SPECC1L: variants seen among roughly 807,000 people sequenced by gnomAD.
SPECC1L encodes sperm antigen with calponin homology and coiled-coil domains 1 like, also known as cytospin-A.
A neutral mutation model predicts 116.8 loss-of-function variants in SPECC1L; 40 were observed. That is an observed-to-expected ratio of 0.34 (90% CI 0.27 to 0.45). The LOEUF (loss-of-function observed/expected upper bound fraction) is 0.45. Among genes scored for constraint, SPECC1L ranks in the 20% least tolerant of loss-of-function variants. The pLI, the probability that SPECC1L is intolerant of heterozygous loss-of-function variation, is 1.00. For synonymous variants in SPECC1L, 504 were observed against 500.6 expected, an observed-to-expected ratio of 1.01 and a Z score of -0.09; for missense variants, 1,110 against 1,373.6, an observed-to-expected ratio of 0.81 and a Z score of 3.03.
intron 4 of SPECC1L, among the ~76,000 whole-genome samples, chr22:24,314,444 A>G (rs2040521435): frequency 6.6e-6 from 1 of 152,246 alleles, no homozygotes; most frequent in South Asian, 2.1e-4. Flanking sequence ...TTCAATGAGT[A>G]TTTAAATTTC....
intron 3 of SPECC1L, 47 bp downstream of exon 3, chr22:24,302,431 A>G: frequency 6.2e-7 from 1 of 1,605,798 alleles, no homozygotes; most frequent in African/African-American, 1.3e-5. Flanking sequence ...GGAGGACTGA[A>G]TTTAAATATG....
chr22:24,285,127 C>T (rs889560671), intron 2 of SPECC1L, among the ~76,000 whole-genome samples: 2 of 152,204 alleles, frequency 1.3e-5, no homozygotes, highest in African/African-American at 4.8e-5. Context: ...CTAGAAGAAC[C>T]TCTGAAGTTT....
At position 24,322,291 on chromosome 22, in the gene SPECC1L, G is replaced by A; in HGVS notation, c.1311G>A (p.Arg437=). The part of the protein sequence containing the change: ...ITQELNSENE[R]LGEEKVILME... ...AGGAACTGAATAGTGAAAACGAAAGGCTTGGAGAAGAGAAGGTTATTCTGA... is the reference window on the plus strand; with the variant it reads ...AGGAACTGAATAGTGAAAACGAAAGACTTGGAGAAGAGAAGGTTATTCTGA... The change falls in exon 5 of 17, where the codon AGG becomes AGA. Residue 437 remains arginine, a synonymous_variant. Transcript: ENST00000314328. The A allele has an allele frequency of 6.2e-7, 1 of 1,614,244 alleles. No homozygotes were observed. The highest frequency in any genetic ancestry group is 1.3e-5 in the African/African-American group (1 of 75,068).
At chr22:24,407,182 T>C (rs2042608421) in intron 14 of SPECC1L, among the ~76,000 whole-genome samples, 1 of 152,216 alleles carries the variant, frequency 6.6e-6, no homozygotes. Flanking sequence ...CAGCTAGCCT[T>C]CTTTTGGGCT....
At chr22:24,306,357 C>G (rs12160776) in intron 3 of SPECC1L, among the ~76,000 whole-genome samples, 187 of 148,972 alleles carry the variant, frequency 1.3e-3, no homozygotes, top group African/African-American at 4.2e-3. Context: ...ATCACTTTGG[C>G]CTTTTAATTT....
intron 2 of SPECC1L, among the ~76,000 whole-genome samples, chr22:24,284,938 T>G (rs1418627475): frequency 6.6e-6 from 1 of 152,118 alleles, no homozygotes; most frequent in Non-Finnish European, 1.5e-5. Context: ...GAGAGACACA[T>G]AGTCACCAGG....
chr22:24,406,804 C>T (rs2042600641), intron 14 of SPECC1L, among the ~76,000 whole-genome samples: 1 of 152,228 alleles, frequency 6.6e-6, no homozygotes, highest in Non-Finnish European at 1.5e-5. Flanking sequence ...GCCTGGTGTT[C>T]TTGCACCGTG....
At chr22:24,308,087 C>T (rs2049538228) in intron 3 of SPECC1L, among the ~76,000 whole-genome samples, 1 of 151,956 alleles carries the variant, frequency 6.6e-6, no homozygotes, top group South Asian at 2.1e-4. Context: ...GGGGCTGTTT[C>T]AGCATGAACT....
chr22:24,317,663 A>AC (rs1324248914), intron 4 of SPECC1L, among the ~76,000 whole-genome samples: 8 of 146,622 alleles, frequency 5.5e-5, no homozygotes, highest in East Asian at 4.1e-4. Flanking sequence ...CGGGGGGCTG[A>AC]CCCCCCCATC....
chr22:24,300,532 C>T (rs1353620837), intron 2 of SPECC1L, among the ~76,000 whole-genome samples: 1 of 152,134 alleles, frequency 6.6e-6, no homozygotes, highest in East Asian at 1.9e-4. Flanking sequence ...GGTTCTGGAT[C>T]CTTGAGGAAT....
At chr22:24,404,817 T>C (rs189059752) in intron 14 of SPECC1L, among the ~76,000 whole-genome samples, 1 of 152,282 alleles carries the variant, frequency 6.6e-6, no homozygotes, top group Non-Finnish European at 1.5e-5. Context: ...TCGCTGAGTG[T>C]GCAAATGAAT....
intron 4 of SPECC1L, among the ~76,000 whole-genome samples, chr22:24,318,886 C>T (rs1203828241): frequency 6.7e-6 from 1 of 149,670 alleles, no homozygotes; most frequent in East Asian, 2.0e-4. Flanking sequence ...TGTGATGGCA[C>T]AACTGCACTC....
intron 13 of SPECC1L, among the ~76,000 whole-genome samples, chr22:24,366,435 C>T (rs1601289992): frequency 6.6e-6 from 1 of 152,098 alleles, no homozygotes; most frequent in Admixed American, 6.5e-5. Flanking sequence ...CCTCGTGATC[C>T]ACCCGCCTCG....
chr22:24,375,547 AT>A (rs765002266), intron 14 of SPECC1L, among the ~76,000 whole-genome samples: 4 of 152,240 alleles, frequency 2.6e-5, no homozygotes, highest in Non-Finnish European at 5.9e-5. Context: ...AAAAAACCGC[AT>A]GATCATCTCA....
At chr22:24,319,336 A>G (rs1295633452) in intron 4 of SPECC1L, among the ~76,000 whole-genome samples, 1 of 152,236 alleles carries the variant, frequency 6.6e-6, no homozygotes, top group East Asian at 1.9e-4. Context: ...AGAGCCAAGC[A>G]AAGGGGAAGC....
rs62233093 is a variant in SPECC1L, at chr22:24,303,075, C to T, written c.153+691C>T. ...CTGGGTTCAGTGGATCCTCCTGCCT[C>T]AGCCTCTCGAGTAGCTGGACTAGAG... On this transcript the variant is annotated intron_variant, in intron 3 of 16. Coordinates refer to ENST00000314328, the MANE Select transcript of SPECC1L (RefSeq NM_015330.6). Among the ~76,000 whole-genome samples, 1,127 of 152,258 alleles carry T rather than the reference C, an allele frequency of 7.4e-3. 6 individuals are homozygous for T. The highest frequency in any genetic ancestry group is 0.012 in the South Asian group (59 of 4,814).
At chr22:24,394,527 T>C (rs887078292) in intron 14 of SPECC1L, among the ~76,000 whole-genome samples, 3 of 152,226 alleles carry the variant, frequency 2.0e-5, no homozygotes, top group Non-Finnish European at 4.4e-5. Flanking sequence ...ATTCAGTCCA[T>C]TGCATATGCA....
At chr22:24,282,732 C>A (rs143056929) in intron 2 of SPECC1L, among the ~76,000 whole-genome samples, 1 of 149,134 alleles carries the variant, frequency 6.7e-6, no homozygotes, top group Non-Finnish European at 1.5e-5. Flanking sequence ...GATCATACAG[C>A]TTTTCTGTTT....
chr22:24,336,204 G>T (rs1421195852), intron 9 of SPECC1L, among the ~76,000 whole-genome samples: 2 of 151,916 alleles, frequency 1.3e-5, no homozygotes, highest in African/African-American at 4.8e-5. Context: ...CACCTGAGCA[G>T]TCGCTCTGTG....
Sources: gnomAD v4.1 joint callset for allele counts (sites outside exome capture counted in the v4.1 genomes callset) on GRCh38, gnomAD v4.1.1 for gene constraint, MANE v1.5 for transcripts, NCBI Gene and HGNC (gene_info 2026-07-23, HGNC 2026-07-21) for gene names.